FAF1: variants seen among roughly 807,000 people sequenced by gnomAD.
The protein encoded by FAF1 is FAS-associated factor 1.
Under a neutral mutation model 92.5 loss-of-function variants are expected in FAF1, and 25 were observed. The observed-to-expected ratio is 0.27, with a 90% CI of 0.20 to 0.38. FAF1 has a LOEUF of 0.38. Among genes scored for constraint, FAF1 ranks in the 10% least tolerant of loss-of-function variants. The pLI is 1.00. For synonymous variants in FAF1, 234 were observed against 273.2 expected (o/e 0.86, Z 1.42); for missense variants, 636 against 793.3 (o/e 0.80, Z 2.38).
chr1:50,602,296 G>A (rs1290538990), intron 8 of FAF1, among the ~76,000 whole-genome samples: 1 of 152,184 alleles, frequency 6.6e-6, no homozygotes, highest in Non-Finnish European at 1.5e-5. Flanking sequence ...AGACACTGAT[G>A]TAATTTCATC....
At chr1:50,932,429 G>C (rs61115731) in intron 1 of FAF1, among the ~76,000 whole-genome samples, 17,902 of 152,232 alleles carry the variant, frequency 0.12, 1,273 homozygotes, top group African/African-American at 0.21. Context: ...CCATTCAAGT[G>C]TGAAATCCAG....
At chr1:50,681,372 T>C (rs1656413074) in intron 7 of FAF1, among the ~76,000 whole-genome samples, 1 of 152,086 alleles carries the variant, frequency 6.6e-6, no homozygotes, top group South Asian at 2.1e-4. Context: ...ACTTAACTTT[T>C]CCACAGAACA....
At position 50,446,903 on chromosome 1, in the gene FAF1, C is replaced by T. The variant is rs192262575; in HGVS notation, c.1870-5380G>A. 2.0e-5 allele frequency among the ~76,000 whole-genome samples: 3 copies of T among 151,876 alleles called. No individual in the cohort carries two copies. In the East Asian group the frequency reaches 5.8e-4, roughly 29 times the overall value. On this transcript the variant is annotated intron_variant, in intron 18 of 18. Transcript: ENST00000396153. The stretch of plus-strand genomic sequence containing the variant: ...ACTCTGTAGATTAGGAAACAAGACC[C>T]AGAGACTGGATTTGTCTATGATCAC...
intron 2 of FAF1, among the ~76,000 whole-genome samples, chr1:50,821,725 T>A (rs1644044689): frequency 6.6e-6 from 1 of 152,218 alleles, no homozygotes; most frequent in South Asian, 2.1e-4. Context: ...CAAAAGTGCT[T>A]AAATAATGCT....
At chr1:50,871,070 G>A (rs1315068944) in intron 1 of FAF1, among the ~76,000 whole-genome samples, 1 of 152,206 alleles carries the variant, frequency 6.6e-6, no homozygotes, top group Admixed American at 6.5e-5. Context: ...TTAGTGGTCT[G>A]AATAGAAGAT....
intron 1 of FAF1, among the ~76,000 whole-genome samples, chr1:50,858,797 A>T (rs1226945131): frequency 6.6e-6 from 1 of 151,848 alleles, no homozygotes; most frequent in Non-Finnish European, 1.5e-5. Flanking sequence ...AAACTAAGCA[A>T]ATATTAACTA....
chr1:50,746,292 A>AT (rs1165741663), intron 4 of FAF1, among the ~76,000 whole-genome samples: 3 of 22,676 alleles, frequency 1.3e-4, no homozygotes, highest in East Asian at 1.8e-3. Flanking sequence ...ATATATATAT[A>AT]TTTTTTTTTT....
Position 50,596,183 on chromosome 1 carries a change from AG to A in FAF1, c.777del (p.Cys260AlafsTer58). 6.2e-7 allele frequency: 1 copy of A among 1,613,962 alleles called. No individual in the cohort carries two copies. ...CTTCTTCCCACTGTAAGTCGATGGCAGGGATAAGAGAGCCCTGATTCAGCAA... is the reference window on the plus strand; with the variant it reads ...CTTCTTCCCACTGTAAGTCGATGGCAGGATAAGAGAGCCCTGATTCAGCAA... ...MCLAESGLSY[P>X]CHRLTVGRRS... is the part of the protein sequence containing the mutation. On this transcript the variant is annotated frameshift_variant, in exon 9 of 19. Coordinates refer to ENST00000396153, the MANE Select transcript of FAF1 (RefSeq NM_007051.3). LOFTEE classifies it high-confidence loss of function.
At chr1:50,869,028 A>C (rs796577112) in intron 1 of FAF1, among the ~76,000 whole-genome samples, 2 of 152,266 alleles carry the variant, frequency 1.3e-5, no homozygotes, top group African/African-American at 2.4e-5. Context: ...GGATTTGTCT[A>C]TATCTGCCTT....
At chr1:50,917,624 A>AAAAGGAAAGGAAAG (rs1644928103) in intron 1 of FAF1, among the ~76,000 whole-genome samples, 1 of 72,248 alleles carries the variant, frequency 1.4e-5, no homozygotes, top group Non-Finnish European at 2.7e-5. Context: ...AGGGAAAGGA[A>AAAAGGAAAGGAAAG]AAAGGAAAGG....
chr1:50,658,922 T>C (rs186231343), intron 7 of FAF1, among the ~76,000 whole-genome samples: 1 of 152,288 alleles, frequency 6.6e-6, no homozygotes, highest in Admixed American at 6.5e-5. Flanking sequence ...ATGTTACCAG[T>C]ATATGGATGA....
At chr1:50,900,108 C>T (rs1378049916) in intron 1 of FAF1, among the ~76,000 whole-genome samples, 1 of 151,952 alleles carries the variant, frequency 6.6e-6, no homozygotes, top group Non-Finnish European at 1.5e-5. Flanking sequence ...CTGAGAAATG[C>T]CTGGAAAAAT....
intron 1 of FAF1, among the ~76,000 whole-genome samples, chr1:50,870,382 G>A (rs1194350092): frequency 6.6e-6 from 1 of 152,166 alleles, no homozygotes; most frequent in Non-Finnish European, 1.5e-5. Flanking sequence ...ACTTGAACGC[G>A]CGAGGCACAA....
At chr1:50,872,111 T>C (rs1341144404) in intron 1 of FAF1, among the ~76,000 whole-genome samples, 1 of 150,830 alleles carries the variant, frequency 6.6e-6, no homozygotes, top group Non-Finnish European at 1.5e-5. Flanking sequence ...CATAAAGCTA[T>C]AATAGCTGCT....
rs79429122 is a variant in FAF1, at chr1:50,520,859, C to A, written c.1494+14510G>T. 7.7e-3 allele frequency among the ~76,000 whole-genome samples: 1,169 copies of A among 152,118 alleles called. 12 individuals carry two copies. Among genetic ancestry groups the A allele is most frequent in the African/African-American group, 0.027 (1,129 of 41,530 alleles). On this transcript the variant is annotated intron_variant, in intron 15 of 18. Transcript: ENST00000396153. ...CACCCTGTCTCAAAAAACCAAAAAA[C>A]TTTAGCTCTTTATTAAAGTCCTTTC...
chr1:50,660,733 C>T (rs1655336189), intron 7 of FAF1, among the ~76,000 whole-genome samples: 1 of 152,096 alleles, frequency 6.6e-6, no homozygotes, highest in South Asian at 2.1e-4. Context: ...ACCTTGTGAT[C>T]TGCCCACCTT....
intron 9 of FAF1, among the ~76,000 whole-genome samples, chr1:50,594,392 T>C (rs1356034360): frequency 2.0e-5 from 3 of 152,150 alleles, no homozygotes; most frequent in Non-Finnish European, 4.4e-5. Context: ...GTATACACTT[T>C]TGAAGTCTTG....
chr1:50,659,044 T>A (rs537028683), intron 7 of FAF1, among the ~76,000 whole-genome samples: 1 of 151,920 alleles, frequency 6.6e-6, no homozygotes, highest in Non-Finnish European at 1.5e-5. Context: ...GAAATCATAA[T>A]CCTGCAGGGA....
chr1:50,955,432 C>T (rs939194096), intron 1 of FAF1, among the ~76,000 whole-genome samples: 10 of 152,304 alleles, frequency 6.6e-5, no homozygotes, highest in Admixed American at 3.3e-4. Context: ...ATACTATGTA[C>T]GTGTAAAACT....
Sources: gnomAD v4.1 joint callset for allele counts (sites outside exome capture counted in the v4.1 genomes callset) on GRCh38, gnomAD v4.1.1 for gene constraint, MANE v1.5 for transcripts, NCBI Gene and HGNC (gene_info 2026-07-23, HGNC 2026-07-21) for gene names.